CNTNAP5: variants seen among roughly 807,000 people sequenced by gnomAD.
CNTNAP5 encodes contactin associated protein family member 5.
In CNTNAP5, 72 loss-of-function variants were observed where a neutral mutation model predicts 150.2. The ratio of observed to expected loss-of-function variants is 0.48; its 90% CI spans 0.40 to 0.58. CNTNAP5 has a LOEUF of 0.58. Among genes scored for constraint, CNTNAP5 ranks in the 20% least tolerant of loss-of-function variants. The pLI, the probability that CNTNAP5 is intolerant of heterozygous loss-of-function variation, is 0.00. For synonymous variants in CNTNAP5, 672 were observed against 619.8 expected (o/e 1.08, Z -1.25); for missense variants, 1,636 against 1,626.2 (o/e 1.01, Z -0.10).
At position 124,666,614 on chromosome 2, in the gene CNTNAP5, G is replaced by A. The variant is rs376134169; in HGVS notation, c.2077+18656G>A. On this transcript the variant is annotated intron_variant, in intron 13 of 23. Transcript: ENST00000682447. ...TCTAGAGTCCCCTTGGCCAAGGGGC[G>A]AGGGGTCTCTTCAGAGATGAGGGGA... Among the ~76,000 whole-genome samples the A allele has an allele frequency of 1.8e-4, 27 of 152,200 alleles. No individual in the cohort carries two copies. The South Asian group carries it at 4.4e-3, about 25-fold the overall frequency.
intron 1 of CNTNAP5, among the ~76,000 whole-genome samples, chr2:124,076,471 A>G: frequency 6.6e-6 from 1 of 152,092 alleles, no homozygotes; most frequent in East Asian, 1.9e-4. Context: ...TGTATCCTTC[A>G]ACTCCCTGAT....
rs1682391232 is a variant in CNTNAP5, at chr2:124,817,556, G to A, written c.3217+19236G>A. 2.0e-5 allele frequency among the ~76,000 whole-genome samples: 3 copies of A among 152,144 alleles called. No homozygotes were observed. The South Asian group carries it at 6.2e-4, about 32-fold the overall frequency. On this transcript the variant is annotated intron_variant, in intron 19 of 23. Transcript: ENST00000682447. The stretch of plus-strand genomic sequence containing the variant: ...TTTAAGTCTATTCTAACAGATTATA[G>A]CTAGAGTTGTATAAAGTCTTGAGAG...
intron 3 of CNTNAP5, among the ~76,000 whole-genome samples, chr2:124,350,208 T>G (rs1689843924): frequency 6.6e-6 from 1 of 152,100 alleles, no homozygotes. Context: ...TAAACTCAAA[T>G]TCTTCTTGAA....
intron 1 of CNTNAP5, among the ~76,000 whole-genome samples, chr2:124,077,958 C>G (rs1312706677): frequency 6.6e-6 from 1 of 152,174 alleles, no homozygotes; most frequent in Admixed American, 6.6e-5. Context: ...AAATCCACTG[C>G]AGAGTTTCTA....
In CNTNAP5 at chr2:124,713,323, CTTTCTT is replaced by C. The variant is rs1419890972; in HGVS notation, c.2078-33904_2078-33899del. On this transcript the variant is annotated intron_variant, in intron 13 of 23. Coordinates refer to ENST00000682447, the MANE Select transcript of CNTNAP5 (RefSeq NM_001367498.1). ...TTTCTTCTTTCTCTTTCTTTCCTTT[CTTTCTT>C]TCTTTCTTTCTTTCTTTCTTTCTTT... Among the ~76,000 whole-genome samples, 14 of 42,026 alleles carry C rather than the reference CTTTCTT, an allele frequency of 3.3e-4. 1 individual carries two copies. In the East Asian group the frequency reaches 9.5e-3, roughly 29 times the overall value. 27.6% of individuals were successfully genotyped at this position (42,026 alleles called of 152,430 possible).
At chr2:124,701,036 A>G (rs1679510301) in intron 13 of CNTNAP5, among the ~76,000 whole-genome samples, 2 of 152,082 alleles carry the variant, frequency 1.3e-5, no homozygotes, top group Admixed American at 1.3e-4. Context: ...CTACTAGTTT[A>G]GCATGAATCC....
intron 4 of CNTNAP5, among the ~76,000 whole-genome samples, chr2:124,417,985 A>G (rs906096290): frequency 6.6e-6 from 1 of 152,230 alleles, no homozygotes; most frequent in Non-Finnish European, 1.5e-5. Flanking sequence ...TTGTTCTAGA[A>G]GACGAGGAGA....
intron 11 of CNTNAP5, among the ~76,000 whole-genome samples, chr2:124,571,634 G>A (rs983718844): frequency 3.5e-5 from 5 of 141,230 alleles, no homozygotes; most frequent in Non-Finnish European, 6.0e-5. Flanking sequence ...CCAGGTTCAA[G>A]CGATTCTCCT....
chr2:124,427,560 A>G (rs1253094066), intron 4 of CNTNAP5, among the ~76,000 whole-genome samples: 1 of 151,850 alleles, frequency 6.6e-6, no homozygotes, highest in Non-Finnish European at 1.5e-5. Flanking sequence ...GGGTTCAAGC[A>G]ATTCTCCTGC....
chr2:124,751,873 T>C (rs990691905), intron 14 of CNTNAP5, among the ~76,000 whole-genome samples: 2 of 152,256 alleles, frequency 1.3e-5, no homozygotes, highest in Admixed American at 6.5e-5. Context: ...TTATATACTG[T>C]ACCTCATATT....
intron 3 of CNTNAP5, among the ~76,000 whole-genome samples, chr2:124,393,572 G>C (rs538409804): frequency 1.3e-5 from 2 of 152,204 alleles, no homozygotes; most frequent in African/African-American, 4.8e-5. Flanking sequence ...CTAATGCCAG[G>C]CAACCCTGCT....
chr2:124,586,331 A>C (rs938464478), intron 11 of CNTNAP5, among the ~76,000 whole-genome samples: 3 of 152,186 alleles, frequency 2.0e-5, no homozygotes, highest in African/African-American at 7.2e-5. Flanking sequence ...GTTCCATGTA[A>C]TATAACAACA....
intron 7 of CNTNAP5, 56 bp from the exon 8 acceptor site, chr2:124,504,236 G>A (rs753595658): frequency 9.6e-6 from 15 of 1,559,026 alleles, no homozygotes; most frequent in African/African-American, 1.4e-5. Context: ...TATATCAGCT[G>A]TCAGATTGCG....
chr2:124,682,741 G>A (rs949923709), intron 13 of CNTNAP5, among the ~76,000 whole-genome samples: 3 of 152,132 alleles, frequency 2.0e-5, no homozygotes, highest in African/African-American at 4.8e-5. Flanking sequence ...AATCTACCAG[G>A]TTCCTCAATC....
At chr2:124,095,871 T>C (rs1682923392) in intron 1 of CNTNAP5, among the ~76,000 whole-genome samples, 1 of 152,216 alleles carries the variant, frequency 6.6e-6, no homozygotes, top group Admixed American at 6.5e-5. Context: ...CTTTAGTTAA[T>C]CTTTAACACT....
intron 3 of CNTNAP5, among the ~76,000 whole-genome samples, chr2:124,381,203 A>C (rs2104737879): frequency 6.6e-6 from 1 of 152,266 alleles, no homozygotes; most frequent in African/African-American, 2.4e-5. Flanking sequence ...TAGTGGAGTA[A>C]AGTAGCCACA....
intron 3 of CNTNAP5, among the ~76,000 whole-genome samples, chr2:124,361,442 A>G (rs954799642): frequency 7.0e-6 from 1 of 142,786 alleles, no homozygotes; most frequent in African/African-American, 2.6e-5. Flanking sequence ...TTGTGGTTTT[A>G]TCTACTTTTG....
intron 11 of CNTNAP5, 38 bp downstream of exon 11, chr2:124,563,361 A>G (rs762588324): frequency 1.6e-6 from 2 of 1,225,098 alleles, no homozygotes; most frequent in South Asian, 1.3e-5. Context: ...TGGCTTGGAC[A>G]AAACTCCAGG....
chr2:124,354,456 A>G (rs1195673717), intron 3 of CNTNAP5, among the ~76,000 whole-genome samples: 1 of 152,234 alleles, frequency 6.6e-6, no homozygotes, highest in Non-Finnish European at 1.5e-5. Flanking sequence ...GGTAGTGTCT[A>G]GAAGGCAGGG....
Sources: gnomAD v4.1 joint callset for allele counts (sites outside exome capture counted in the v4.1 genomes callset) on GRCh38, gnomAD v4.1.1 for gene constraint, MANE v1.5 for transcripts, NCBI Gene and HGNC (gene_info 2026-07-23, HGNC 2026-07-21) for gene names.